The following ITFG1 variants were observed in gnomAD, a reference collection of about 807,000 sequenced individuals.
The protein encoded by ITFG1 is integrin alpha FG-GAP repeat containing 1.
ITFG1 carries 34 observed loss-of-function variants against 81.8 expected under a neutral mutation model. The ratio of observed to expected loss-of-function variants is 0.42; its 90% CI spans 0.32 to 0.55. The LOEUF is 0.55. ITFG1 is among the 20% of genes least tolerant of loss of function. The pLI is 0.17. For synonymous variants in ITFG1, 285 were observed against 270.6 expected, an observed-to-expected ratio of 1.05 and a Z score of -0.52; for missense variants, 672 against 755.4, an observed-to-expected ratio of 0.89 and a Z score of 1.29.
chr16:47,270,435 C>T (rs1489441410), intron 10 of ITFG1, among the ~76,000 whole-genome samples: 1 of 152,138 alleles, frequency 6.6e-6, no homozygotes, highest in African/African-American at 2.4e-5. Flanking sequence ...ACAAACAGAA[C>T]AGATAAAATT....
intron 10 of ITFG1, chr16:47,262,642 C>T (rs972389418): frequency 2.6e-5 from 4 of 152,236 alleles, no homozygotes; most frequent in Non-Finnish European, 2.9e-5. Flanking sequence ...CAACAACCTA[C>T]AACAAAAACC....
chr16:47,385,932 A>G (rs1045539236), intron 6 of ITFG1, among the ~76,000 whole-genome samples: 3 of 152,236 alleles, frequency 2.0e-5, no homozygotes, highest in Non-Finnish European at 4.4e-5. Flanking sequence ...AGACTAATCT[A>G]TAACATGGAA....
chr16:47,407,748 T>C (rs563250144), intron 6 of ITFG1, among the ~76,000 whole-genome samples: 1 of 152,146 alleles, frequency 6.6e-6, no homozygotes, highest in Non-Finnish European at 1.5e-5. Context: ...GGGATTCATT[T>C]TGGGAAAAAT....
chr16:47,339,016 T>C (rs1191881076), intron 8 of ITFG1, among the ~76,000 whole-genome samples: 1 of 152,234 alleles, frequency 6.6e-6, no homozygotes, highest in Non-Finnish European at 1.5e-5. Flanking sequence ...ACAATTGTTT[T>C]AATTTTTAGA....
chr16:47,412,865 G>T (rs1006166007), intron 6 of ITFG1, among the ~76,000 whole-genome samples: 4 of 151,998 alleles, frequency 2.6e-5, no homozygotes, highest in African/African-American at 9.7e-5. Context: ...AGAAACATGC[G>T]CTTTTATAAA....
chr16:47,414,228 C>T (rs972165121), intron 6 of ITFG1, among the ~76,000 whole-genome samples: 2 of 151,640 alleles, frequency 1.3e-5, no homozygotes, highest in Non-Finnish European at 1.5e-5. Flanking sequence ...TTTTACAATC[C>T]ATATGTAATG....
At chr16:47,357,041 TAA>T (rs898658593) in intron 8 of ITFG1, among the ~76,000 whole-genome samples, 6 of 137,414 alleles carry the variant, frequency 4.4e-5, no homozygotes, top group Non-Finnish European at 4.8e-5. Flanking sequence ...ACTGTTGCAA[TAA>T]AAAAAAAAAA....
At chr16:47,290,457 C>G (rs1010832464) in intron 10 of ITFG1, among the ~76,000 whole-genome samples, 1 of 152,108 alleles carries the variant, frequency 6.6e-6, no homozygotes, top group Non-Finnish European at 1.5e-5. Context: ...CCCTTTAGAT[C>G]TAAGAATATT....
intron 14 of ITFG1, among the ~76,000 whole-genome samples, chr16:47,185,854 G>C (rs987844345): frequency 1.3e-5 from 2 of 152,138 alleles, no homozygotes; most frequent in African/African-American, 4.8e-5. Context: ...AAAACTGATA[G>C]ACCGCTAGCA....
At chr16:47,405,352 G>C (rs745901043) in intron 6 of ITFG1, among the ~76,000 whole-genome samples, 2 of 152,212 alleles carry the variant, frequency 1.3e-5, no homozygotes, top group Non-Finnish European at 2.9e-5. Context: ...TCTTAACCAG[G>C]TGACCACCTA....
chr16:47,259,812 C>T (rs1966184449), intron 11 of ITFG1, among the ~76,000 whole-genome samples: 1 of 152,112 alleles, frequency 6.6e-6, no homozygotes, highest in Non-Finnish European at 1.5e-5. Flanking sequence ...ACCTGGCAAT[C>T]AGTCAGAGTC....
At chr16:47,306,500 C>A (rs756328703) in intron 10 of ITFG1, among the ~76,000 whole-genome samples, 27 of 151,922 alleles carry the variant, frequency 1.8e-4, no homozygotes, top group Non-Finnish European at 2.8e-4. Context: ...TGTGTATATG[C>A]AAGATTTTAA....
At position 47,454,160 on chromosome 16, in the gene ITFG1, TA is replaced by T; in HGVS notation, c.282-3del. ...CTTGTTATCAATGCACTGTGATTCC[TA>T]AAAGAAACAAGCATTTACAAATATC... On this transcript the variant is annotated splice_polypyrimidine_tract_variant and splice_region_variant and intron_variant, in intron 2 of 17. Transcript: ENST00000320640. 6.3e-7 allele frequency: 1 copy of T among 1,595,638 alleles called. No individual in the cohort carries two copies. The highest frequency in any genetic ancestry group is 8.6e-7 in the Non-Finnish European group (1 of 1,168,804).
intron 12 of ITFG1, 128 bp from the exon 13 acceptor site, chr16:47,238,136 T>C: frequency 1.7e-6 from 1 of 595,092 alleles, no homozygotes; most frequent in South Asian, 2.1e-5. Context: ...CAATTCAATT[T>C]CTTTAGATCT....
chr16:47,257,008 T>C (rs1418740396), intron 12 of ITFG1, among the ~76,000 whole-genome samples: 2 of 152,242 alleles, frequency 1.3e-5, no homozygotes, highest in Non-Finnish European at 2.9e-5. Flanking sequence ...CTCTTTAATA[T>C]GATACAAAGC....
rs1438836142 is a variant in ITFG1 at position 47,355,256 on chromosome 16, T to C, written c.802+10532A>G. On this transcript the variant is annotated intron_variant, in intron 8 of 17. Transcript: ENST00000320640. ...TCATTTACGACAACATGGATGAACCTGGAGGTCATTATGTCAAGTGAAATA... is the reference window on the plus strand; with the variant it reads ...TCATTTACGACAACATGGATGAACCCGGAGGTCATTATGTCAAGTGAAATA... 2.6e-5 allele frequency among the ~76,000 whole-genome samples: 4 copies of C among 152,240 alleles called. No homozygotes were observed. In the South Asian group the frequency reaches 6.2e-4, roughly 24 times the overall value.
intron 8 of ITFG1, among the ~76,000 whole-genome samples, chr16:47,327,266 A>C (rs1967563039): frequency 6.6e-6 from 1 of 152,250 alleles, no homozygotes; most frequent in South Asian, 2.1e-4. Context: ...AAAACTGGCT[A>C]GCCATATATA....
At chr16:47,353,406 A>T (rs1205170600) in intron 8 of ITFG1, among the ~76,000 whole-genome samples, 2 of 152,110 alleles carry the variant, frequency 1.3e-5, no homozygotes, top group Non-Finnish European at 2.9e-5. Flanking sequence ...CCTCAACACA[A>T]TAAAAACCAT....
At chr16:47,424,796 T>C (rs529325047) in intron 6 of ITFG1, among the ~76,000 whole-genome samples, 1 of 152,232 alleles carries the variant, frequency 6.6e-6, no homozygotes, top group Non-Finnish European at 1.5e-5. Flanking sequence ...TGCCTGATCC[T>C]TCCTCTGGAA....
Sources: allele counts gnomAD v4.1 joint callset (sites outside exome capture counted in the v4.1 genomes callset), GRCh38; gene constraint gnomAD v4.1.1; transcripts MANE v1.5; gene names NCBI Gene and HGNC (gene_info 2026-07-23, HGNC 2026-07-21).